Variants in LRCH1 observed in about 807,000 individuals in gnomAD.
The protein encoded by LRCH1 is leucine-rich repeat and calponin homology domain-containing protein 1.
LRCH1 carries 23 observed loss-of-function variants against 94.9 expected under a neutral mutation model. The observed-to-expected ratio is 0.24, with a 90% CI of 0.17 to 0.34. The LOEUF is 0.34. Ranked by LOEUF, LRCH1 falls within the 10% of genes least tolerant of loss-of-function variation. The pLI is 1.00. For synonymous variants in LRCH1, 364 were observed against 354.9 expected, an observed-to-expected ratio of 1.03 and a Z score of -0.29; for missense variants, 790 against 945.9, an observed-to-expected ratio of 0.84 and a Z score of 2.16.
At chr13:46,566,476 G>C (rs2050185911) in intron 1 of LRCH1, among the ~76,000 whole-genome samples, 1 of 152,182 alleles carries the variant, frequency 6.6e-6, no homozygotes, top group Non-Finnish European at 1.5e-5. Context: ...CTCATGTCTG[G>C]GTCCAGGGTC....
rs2051107601 is a variant in LRCH1 at position 46,637,604 on chromosome 13, T to C, written c.308-12597T>C. Among the ~76,000 whole-genome samples the C allele has an allele frequency of 2.6e-5, 4 of 152,352 alleles. No individual in the cohort carries two copies. The South Asian group carries it at 8.3e-4, about 32-fold the overall frequency. ...AAAGGCTCAGCCCTTAAGGATCCCGTGCCTTCCTCTCTTCTTTCTGTCAGC... is the reference window on the plus strand; with the variant it reads ...AAAGGCTCAGCCCTTAAGGATCCCGCGCCTTCCTCTCTTCTTTCTGTCAGC... On this transcript the variant is annotated intron_variant, in intron 1 of 19. Transcript: ENST00000389797.
At chr13:46,660,401 G>T (rs1223557193) in intron 2 of LRCH1, among the ~76,000 whole-genome samples, 1 of 151,292 alleles carries the variant, frequency 6.6e-6, no homozygotes, top group Non-Finnish European at 1.5e-5. Context: ...TACATGATCG[G>T]CCGTCTCAAA....
chr13:46,661,453 T>A (rs1226169111), intron 2 of LRCH1, among the ~76,000 whole-genome samples: 1 of 152,220 alleles, frequency 6.6e-6, no homozygotes, highest in African/African-American at 2.4e-5. Flanking sequence ...TGCTGTGTCA[T>A]CATGCAAATT....
At position 46,742,416 on chromosome 13, in the gene LRCH1, G is replaced by GC; in HGVS notation, c.*570dup. The GC allele has an allele frequency of 1.0e-6, 1 of 987,024 alleles. No individual in the cohort carries two copies. Among genetic ancestry groups the GC allele is most frequent in the African/African-American group, 1.7e-5 (1 of 57,362 alleles). 61.1% of individuals were successfully genotyped at this position (987,024 alleles called of 1,614,324 possible). A position where few individuals can be genotyped will look rare whatever the true frequency, so the allele number is the denominator to read the frequency against. The stretch of plus-strand genomic sequence containing the variant: ...TACACGTACTCACACTGCCTTGATG[G>GC]CCATTCGATTGGATTCCTCCCAAAT... On this transcript the variant is annotated 3_prime_UTR_variant, in exon 20 of 20. Coordinates refer to ENST00000389797, the MANE Select transcript of LRCH1 (RefSeq NM_001164211.2).
chr13:46,747,145 C>T (rs921503594), downstream of LRCH1, among the ~76,000 whole-genome samples: 2 of 152,150 alleles, frequency 1.3e-5, no homozygotes, highest in African/African-American at 4.8e-5. Flanking sequence ...CTGTTTACTC[C>T]TCATCACTAG....
intron 1 of LRCH1, among the ~76,000 whole-genome samples, chr13:46,566,888 C>G (rs1350965408): frequency 6.6e-6 from 1 of 152,192 alleles, no homozygotes; most frequent in Non-Finnish European, 1.5e-5. Context: ...AGTTCCAGCC[C>G]TAATCCTCAC....
chr13:46,618,454 A>C (rs574037071), intron 1 of LRCH1, among the ~76,000 whole-genome samples: 1 of 152,284 alleles, frequency 6.6e-6, no homozygotes, highest in African/African-American at 2.4e-5. Context: ...TAGCTACTTT[A>C]ATTTTAAGTT....
chr13:46,699,620 T>C (rs1871361751), intron 10 of LRCH1, among the ~76,000 whole-genome samples: 1 of 152,240 alleles, frequency 6.6e-6, no homozygotes, highest in Admixed American at 6.5e-5. Context: ...TTGAGTCTTA[T>C]TTGTTTTGAG....
At position 46,553,684 on chromosome 13, in the gene LRCH1, C is replaced by T; in HGVS notation, c.288C>T (p.Leu96=). The T allele has an allele frequency of 1.2e-6, 2 of 1,610,150 alleles. No individual in the cohort carries two copies. The highest frequency in any genetic ancestry group is 1.7e-6 in the Non-Finnish European group (2 of 1,179,360). The stretch of plus-strand genomic sequence containing the variant: ...GTACCGCAGCCCCCGGGCACGACCT[C>T]TCGGACACGGTGCAGGCAGGTGAGT... ...FPRTAAPGHD[L]SDTVQADLSK... The change falls in exon 1 of 20, where the codon CTC becomes CTT. Residue 96 remains leucine (L), a synonymous_variant. Coordinates refer to ENST00000389797, the MANE Select transcript of LRCH1 (RefSeq NM_001164211.2).
At chr13:46,597,536 T>C (rs908003883) in intron 1 of LRCH1, among the ~76,000 whole-genome samples, 1 of 152,096 alleles carries the variant, frequency 6.6e-6, no homozygotes, top group African/African-American at 2.4e-5. Context: ...TTTATATTTT[T>C]AGTAGAGACA....
chr13:46,686,103 A>G, intron 5 of LRCH1, 62 bp downstream of exon 5: 1 of 1,372,216 alleles, frequency 7.3e-7, no homozygotes, highest in Non-Finnish European at 9.5e-7. Context: ...AGCCAAGGGA[A>G]AATTTCCCCT....
intron 11 of LRCH1, among the ~76,000 whole-genome samples, chr13:46,704,010 A>G: frequency 6.6e-6 from 1 of 152,160 alleles, no homozygotes; most frequent in East Asian, 1.9e-4. Context: ...CTATTTTAAA[A>G]TACTATGTTG....
intron 1 of LRCH1, among the ~76,000 whole-genome samples, chr13:46,582,562 G>A (rs2050382614): frequency 6.9e-6 from 1 of 144,510 alleles, no homozygotes; most frequent in African/African-American, 2.6e-5. Flanking sequence ...TTAGCTCACT[G>A]TAGCCTTGAC....
intron 1 of LRCH1, among the ~76,000 whole-genome samples, chr13:46,567,474 A>G (rs1021945476): frequency 7.1e-6 from 1 of 141,016 alleles, no homozygotes; most frequent in Admixed American, 6.8e-5. Context: ...TAATCTCTGC[A>G]TGCAATTTAA....
intron 2 of LRCH1, among the ~76,000 whole-genome samples, chr13:46,662,675 G>T (rs1415272113): frequency 6.6e-6 from 1 of 152,178 alleles, no homozygotes; most frequent in African/African-American, 2.4e-5. Flanking sequence ...GACATTGGTA[G>T]CTTACATTGG....
chr13:46,704,985 A>T (rs1024481459), intron 11 of LRCH1, 83 bp from the exon 12 acceptor site: 18 of 712,658 alleles, frequency 2.5e-5, no homozygotes, highest in Non-Finnish European at 4.1e-5. Flanking sequence ...TAAATTAAAA[A>T]TTTAAACTGA....
chr13:46,650,639 T>G (rs1054716193), intron 2 of LRCH1, among the ~76,000 whole-genome samples: 1 of 151,338 alleles, frequency 6.6e-6, no homozygotes. Context: ...GTAGTTATGT[T>G]GTCTTCAAGT....
chr13:46,588,961 G>GTGTA (rs769692103), intron 1 of LRCH1, among the ~76,000 whole-genome samples: 2 of 150,126 alleles, frequency 1.3e-5, no homozygotes, highest in South Asian at 4.2e-4. Flanking sequence ...GCGGATGTGT[G>GTGTA]TATATATATA....
At chr13:46,726,862 C>CAAAAAAAAAAA in intron 17 of LRCH1, among the ~76,000 whole-genome samples, 1 of 78,004 alleles carries the variant, frequency 1.3e-5, no homozygotes, top group Non-Finnish European at 2.3e-5. Context: ...AGAGCAGTGT[C>CAAAAAAAAAAA]AAAAAAAAAA....
Sources: allele counts gnomAD v4.1 joint callset (sites outside exome capture counted in the v4.1 genomes callset), GRCh38; gene constraint gnomAD v4.1.1; transcripts MANE v1.5; gene names NCBI Gene and HGNC (gene_info 2026-07-23, HGNC 2026-07-21).